NIPAL2: variants seen among roughly 807,000 people sequenced by gnomAD.
NIPAL2 encodes NIPA like domain containing 2.
NIPAL2 carries 43 observed loss-of-function variants against 48.9 expected under a neutral mutation model. That is an observed-to-expected ratio of 0.88 (90% CI 0.69 to 1.13). The LOEUF (loss-of-function observed/expected upper bound fraction) is 1.13, where lower values mean the gene tolerates loss of function less well. Among genes scored for constraint, NIPAL2 ranks in the 50% most tolerant of loss-of-function variants. The probability of loss-of-function intolerance (pLI) is 0.00; values close to 1 mark genes in which losing one functional copy is unlikely to be tolerated. For missense variants in NIPAL2, 446 were observed against 461.4 expected (o/e 0.97, Z 0.31); for synonymous variants, 167 against 174.6 (o/e 0.96, Z 0.34).
chr8:98,282,435 A>G (rs371903902), intron 1 of NIPAL2, among the ~76,000 whole-genome samples: 66 of 152,270 alleles, frequency 4.3e-4, no homozygotes, highest in African/African-American at 1.5e-3. Context: ...GGGAACAGGA[A>G]GACCAAGCAG....
intron 1 of NIPAL2, among the ~76,000 whole-genome samples, chr8:98,271,869 C>G (rs1195846839): frequency 6.6e-6 from 1 of 151,206 alleles, no homozygotes; most frequent in African/African-American, 2.4e-5. Context: ...TCCTTTGGTG[C>G]CTAGTTTGTT....
chr8:98,255,349 A>G (rs539989747), intron 1 of NIPAL2, among the ~76,000 whole-genome samples: 8 of 152,344 alleles, frequency 5.3e-5, no homozygotes, highest in Non-Finnish European at 8.8e-5. Context: ...CTTATTCTAC[A>G]GCACATAACT....
chr8:98,206,271 T>C (rs994711172), intron 6 of NIPAL2, among the ~76,000 whole-genome samples: 5 of 152,108 alleles, frequency 3.3e-5, no homozygotes, highest in African/African-American at 1.2e-4. Flanking sequence ...ATATCTGAGT[T>C]TCCTTCATTT....
Position 98,206,023 on chromosome 8 carries a change from G to T in NIPAL2, c.656-777C>A, listed in dbSNP as rs564157937. On this transcript the variant is annotated intron_variant, in intron 6 of 10. Transcript: ENST00000430223. ...AATTAAGAAAAAGTAACTTGATAAG[G>T]TTATATCACTATGAAAGTAATGGAG... 7.9e-5 allele frequency among the ~76,000 whole-genome samples: 12 copies of T among 152,240 alleles called. No individual in the cohort carries two copies. The South Asian group carries it at 1.7e-3, about 21-fold the overall frequency.
chr8:98,282,322 TCAAAGAACACAAAGATA>T (rs1809925906), intron 1 of NIPAL2, among the ~76,000 whole-genome samples: 1 of 152,048 alleles, frequency 6.6e-6, no homozygotes, highest in Non-Finnish European at 1.5e-5. Flanking sequence ...CACAAAGAAC[TCAAAGAACACAAAGATA>T]CAAACTAGAG....
rs201817466 is a variant in NIPAL2, at chr8:98,292,775, C to T, written c.135+1228G>A. ...AGGGGATAGATAACTCATTCTTAAA[C>T]TTATATTGGGAATACTTCTAATAAA... On this transcript the variant is annotated intron_variant, in intron 1 of 10. Coordinates refer to ENST00000430223, the MANE Select transcript of NIPAL2 (RefSeq NM_001321635.2). Among the ~76,000 whole-genome samples the T allele has an allele frequency of 1.0e-4, 15 of 145,924 alleles. No individual in the cohort carries two copies. The East Asian group carries it at 2.8e-3, about 27-fold the overall frequency.
intron 5 of NIPAL2, among the ~76,000 whole-genome samples, chr8:98,218,243 G>A (rs898141904): frequency 7.9e-5 from 12 of 152,034 alleles, no homozygotes; most frequent in Admixed American, 7.9e-4. Flanking sequence ...AATTTATTTT[G>A]CCTGCAGGCA....
intron 8 of NIPAL2, among the ~76,000 whole-genome samples, chr8:98,198,048 A>G (rs1352078426): frequency 2.6e-5 from 4 of 152,270 alleles, no homozygotes. Context: ...TGACAGCTAC[A>G]GCCTTACAAA....
intron 1 of NIPAL2, among the ~76,000 whole-genome samples, chr8:98,287,152 A>G (rs1449313724): frequency 6.6e-6 from 1 of 152,228 alleles, no homozygotes; most frequent in African/African-American, 2.4e-5. Context: ...TTATGTTAAC[A>G]CTAAATGAGC....
chr8:98,201,077 C>T (rs1810776620), intron 8 of NIPAL2, among the ~76,000 whole-genome samples: 2 of 152,098 alleles, frequency 1.3e-5, no homozygotes, highest in Admixed American at 6.5e-5. Context: ...GTTACCTAGC[C>T]CATAAGAATG....
chr8:98,197,800 G>C (rs1037393458), intron 8 of NIPAL2, among the ~76,000 whole-genome samples: 1 of 152,126 alleles, frequency 6.6e-6, no homozygotes, highest in Admixed American at 6.6e-5. Context: ...ACATCTTCAG[G>C]CTCCACTTCT....
chr8:98,238,708 C>A (rs960109440), intron 3 of NIPAL2, among the ~76,000 whole-genome samples: 61 of 151,820 alleles, frequency 4.0e-4, no homozygotes, highest in Non-Finnish European at 7.5e-4. Context: ...GGAAGTTTCA[C>A]ACAGGGTAAA....
chr8:98,288,856 T>C (rs1363803205), intron 1 of NIPAL2, among the ~76,000 whole-genome samples: 3 of 152,262 alleles, frequency 2.0e-5, no homozygotes, highest in East Asian at 1.9e-4. Context: ...AGAATAGAAA[T>C]TGGGTCCCCA....
At chr8:98,287,433 C>T (rs1048657265) in intron 1 of NIPAL2, among the ~76,000 whole-genome samples, 2 of 152,042 alleles carry the variant, frequency 1.3e-5, no homozygotes, top group Non-Finnish European at 2.9e-5. Context: ...CATCAAAGAG[C>T]GTGAGGAAGG....
chr8:98,207,015 A>C (rs1159440631), intron 6 of NIPAL2, among the ~76,000 whole-genome samples: 1 of 152,172 alleles, frequency 6.6e-6, no homozygotes, highest in Non-Finnish European at 1.5e-5. Flanking sequence ...TTGATGGTTT[A>C]AGTTTGTAGG....
At chr8:98,273,014 G>T (rs951791118) in intron 1 of NIPAL2, among the ~76,000 whole-genome samples, 1 of 152,142 alleles carries the variant, frequency 6.6e-6, no homozygotes, top group Non-Finnish European at 1.5e-5. Flanking sequence ...TTACAGAGAA[G>T]AAATGATCCA....
intron 1 of NIPAL2, among the ~76,000 whole-genome samples, chr8:98,287,274 C>CA (rs1444536695): frequency 1.3e-5 from 2 of 152,200 alleles, no homozygotes; most frequent in Non-Finnish European, 2.9e-5. Context: ...CCCAGTGCTA[C>CA]ACGCACCACC....
intron 1 of NIPAL2, among the ~76,000 whole-genome samples, chr8:98,259,785 T>C (rs1215283098): frequency 6.6e-6 from 1 of 152,162 alleles, no homozygotes; most frequent in Admixed American, 6.5e-5. Flanking sequence ...CCTTAATCAA[T>C]AGTCAATGTC....
chr8:98,233,395 G>A (rs575893117), intron 4 of NIPAL2, among the ~76,000 whole-genome samples: 2 of 151,206 alleles, frequency 1.3e-5, no homozygotes, highest in East Asian at 1.9e-4. Context: ...TACATTTTTA[G>A]TATTACCTCT....
Sources: gnomAD v4.1 joint callset for allele counts (sites outside exome capture counted in the v4.1 genomes callset) on GRCh38, gnomAD v4.1.1 for gene constraint, MANE v1.5 for transcripts, NCBI Gene and HGNC (gene_info 2026-07-23, HGNC 2026-07-21) for gene names.